Variants in PDE4D observed in about 807,000 individuals in gnomAD.
PDE4D encodes the protein 3',5'-cyclic-AMP phosphodiesterase 4D.
A neutral mutation model predicts 87.4 loss-of-function variants in PDE4D; 24 were observed. The ratio of observed to expected loss-of-function variants is 0.27; its 90% confidence interval spans 0.20 to 0.39. The LOEUF is 0.39. Ranked by LOEUF, PDE4D falls within the 10% of genes least tolerant of loss-of-function variation. PDE4D has a pLI of 1.00. For synonymous variants in PDE4D, 384 were observed against 383.2 expected (o/e 1.00, Z -0.02); for missense variants, 714 against 1,041.0 (o/e 0.69, Z 4.32).
At chr5:59,777,049 C>T (rs1490290362) in intron 1 of PDE4D, among the ~76,000 whole-genome samples, 3 of 152,126 alleles carry the variant, frequency 2.0e-5, no homozygotes, top group Non-Finnish European at 4.4e-5. Context: ...TTCCAGGAAC[C>T]CTTAACTCGA....
At chr5:59,521,220 G>T (rs1328966884) in intron 1 of PDE4D, among the ~76,000 whole-genome samples, 1 of 152,110 alleles carries the variant, frequency 6.6e-6, no homozygotes, top group Non-Finnish European at 1.5e-5. Context: ...GAGGAATTAA[G>T]GCAGATAGAC....
chr5:60,411,573 A>G (rs1235433389), intron 1 of PDE4D, among the ~76,000 whole-genome samples: 1 of 152,234 alleles, frequency 6.6e-6, no homozygotes, highest in East Asian at 1.9e-4. Context: ...TTTTCAATGC[A>G]TACATTTATT....
intron 1 of PDE4D, among the ~76,000 whole-genome samples, chr5:59,509,081 C>G (rs561804600): frequency 2.0e-5 from 3 of 151,906 alleles, no homozygotes; most frequent in Non-Finnish European, 2.9e-5. Context: ...AATACCAATA[C>G]ATTTTAAGTA....
At chr5:59,423,491 A>G (rs1794766212) in intron 1 of PDE4D, among the ~76,000 whole-genome samples, 3 of 152,078 alleles carry the variant, frequency 2.0e-5, no homozygotes, top group Admixed American at 6.6e-5. Flanking sequence ...CCATCATGCC[A>G]CTCTTAGGGA....
intron 1 of PDE4D, among the ~76,000 whole-genome samples, chr5:59,757,700 C>G (rs571678222): frequency 6.6e-6 from 1 of 152,134 alleles, no homozygotes; most frequent in Non-Finnish European, 1.5e-5. Flanking sequence ...AGAGTCAAAC[C>G]TTAACAGATT....
At chr5:59,699,061 A>T (rs1361695266) in intron 1 of PDE4D, among the ~76,000 whole-genome samples, 2 of 152,206 alleles carry the variant, frequency 1.3e-5, no homozygotes, top group Admixed American at 6.6e-5. Flanking sequence ...TACAATGTCA[A>T]TGACTTTGAC....
At chr5:60,429,963 C>T (rs1160636046) in intron 1 of PDE4D, 1 of 518,206 alleles carries the variant, frequency 1.9e-6, no homozygotes, top group Non-Finnish European at 3.9e-6. Flanking sequence ...CGTAGGCAAC[C>T]AAAGTATAGA....
At chr5:59,521,019 T>A (rs944872950) in intron 1 of PDE4D, among the ~76,000 whole-genome samples, 3 of 152,070 alleles carry the variant, frequency 2.0e-5, no homozygotes, top group African/African-American at 7.3e-5. Flanking sequence ...GGATCATTTA[T>A]ACTCCTAGGA....
intron 1 of PDE4D, among the ~76,000 whole-genome samples, chr5:60,361,382 C>T (rs1057348600): frequency 1.3e-5 from 2 of 152,030 alleles, no homozygotes; most frequent in African/African-American, 2.4e-5. Flanking sequence ...ATCATTGATG[C>T]AAAATATATT....
chr5:59,503,958 T>G (rs1431801703), intron 1 of PDE4D, among the ~76,000 whole-genome samples: 1 of 152,208 alleles, frequency 6.6e-6, no homozygotes, highest in Non-Finnish European at 1.5e-5. Context: ...TACTGTGAAC[T>G]TATTAAGACA....
At chr5:60,492,032 G>A (rs538777857), upstream of PDE4D, among the ~76,000 whole-genome samples, 27 of 152,070 alleles carry the variant, frequency 1.8e-4, no homozygotes, top group South Asian at 1.9e-3. Flanking sequence ...TAGATGACGC[G>A]TTAGTGGGTG....
chr5:59,263,525 T>G (rs1419901406), intron 1 of PDE4D, among the ~76,000 whole-genome samples: 1 of 151,930 alleles, frequency 6.6e-6, no homozygotes, highest in Non-Finnish European at 1.5e-5. Context: ...ATGACAACAG[T>G]TTAAAATGCT....
intron 2 of PDE4D, among the ~76,000 whole-genome samples, chr5:60,022,236 A>G (rs1214026206): frequency 6.6e-6 from 1 of 152,196 alleles, no homozygotes; most frequent in Non-Finnish European, 1.5e-5. Context: ...AGCTTAGCTT[A>G]GAAGATGGGC....
At chr5:59,780,886 G>A (rs1214585048) in intron 1 of PDE4D, among the ~76,000 whole-genome samples, 1 of 152,192 alleles carries the variant, frequency 6.6e-6, no homozygotes, top group Non-Finnish European at 1.5e-5. Context: ...GCGATGGTGA[G>A]CTGAGCGCAG....
At chr5:60,004,611 T>C (rs762078689) in intron 2 of PDE4D, among the ~76,000 whole-genome samples, 3 of 152,116 alleles carry the variant, frequency 2.0e-5, no homozygotes, top group Non-Finnish European at 2.9e-5. Context: ...AAAAAAATCC[T>C]ACAACTCAAT....
At chr5:60,200,850 G>A (rs1207690014) in intron 1 of PDE4D, among the ~76,000 whole-genome samples, 1 of 152,132 alleles carries the variant, frequency 6.6e-6, no homozygotes. Flanking sequence ...ACTCATTAAA[G>A]TAATAGACCA....
intron 1 of PDE4D, among the ~76,000 whole-genome samples, chr5:60,412,442 T>C (rs1049788121): frequency 6.6e-6 from 1 of 152,224 alleles, no homozygotes; most frequent in Non-Finnish European, 1.5e-5. Flanking sequence ...TAATTTAGTG[T>C]AGTATTCTAC....
At chr5:60,374,205 G>A (rs983575158) in intron 1 of PDE4D, among the ~76,000 whole-genome samples, 2 of 152,134 alleles carry the variant, frequency 1.3e-5, no homozygotes, top group Non-Finnish European at 2.9e-5. Context: ...ACAACTGAGT[G>A]TTGGCATCAT....
chr5:60,253,450 C>A (rs1047081467), intron 1 of PDE4D, among the ~76,000 whole-genome samples: 1 of 151,752 alleles, frequency 6.6e-6, no homozygotes, highest in African/African-American at 2.4e-5. Context: ...TCTTGACTGG[C>A]CCTAAAATGT....
Sources: gnomAD v4.1 joint callset for allele counts (sites outside exome capture counted in the v4.1 genomes callset) on GRCh38, gnomAD v4.1.1 for gene constraint, MANE v1.5 for transcripts, NCBI Gene and HGNC (gene_info 2026-07-23, HGNC 2026-07-21) for gene names.